Variants in GIGYF2 observed in about 807,000 individuals in gnomAD.
GIGYF2 encodes GRB10-interacting GYF protein 2.
Under a neutral mutation model 208.1 loss-of-function variants are expected in GIGYF2, and 25 were observed. That is an observed-to-expected ratio of 0.12 (90% CI 0.09 to 0.17). GIGYF2 has a LOEUF of 0.17. Among genes scored for constraint, GIGYF2 ranks in the 10% least tolerant of loss-of-function variants. The pLI, the probability that GIGYF2 is intolerant of heterozygous loss-of-function variation, is 1.00. For missense variants in GIGYF2, 1,302 were observed against 1,579.4 expected, an observed-to-expected ratio of 0.82 and a Z score of 2.98; for synonymous variants, 534 against 543.8, an observed-to-expected ratio of 0.98 and a Z score of 0.25.
intron 8 of GIGYF2, among the ~76,000 whole-genome samples, chr2:232,785,660 T>A (rs1273866688): frequency 6.6e-6 from 1 of 152,238 alleles, no homozygotes; most frequent in East Asian, 1.9e-4. Flanking sequence ...TCTTAGAGGC[T>A]GTCCACCACA....
chr2:232,809,887 CT>C (rs1367418405), intron 16 of GIGYF2, 76 bp downstream of exon 16: 4 of 876,844 alleles, frequency 4.6e-6, no homozygotes, highest in East Asian at 2.4e-5. Flanking sequence ...CAAGTCTCAC[CT>C]TTTACAGTAG....
At chr2:232,744,983 A>G (rs1371574724) in intron 3 of GIGYF2, among the ~76,000 whole-genome samples, 2 of 152,166 alleles carry the variant, frequency 1.3e-5, no homozygotes, top group African/African-American at 4.8e-5. Context: ...GAGCTAGTTC[A>G]CGTGTGAAAT....
chr2:232,747,848 C>T, intron 4 of GIGYF2, 104 bp downstream of exon 4: 1 of 1,025,144 alleles, frequency 9.8e-7, no homozygotes, highest in Non-Finnish European at 1.5e-6. Context: ...ATGTATTGAC[C>T]CATGCCTTTC....
Position 232,794,848 on chromosome 2 carries a change from T to C in GIGYF2, c.1383T>C (p.Thr461=), listed in dbSNP as rs766690588. The part of the protein sequence containing the change: ...LPPPVPNPSP[T]LRPVETPVVG... ...CTCCTGTTCCCAATCCTAGTCCTACTCTCCGGCCAGTTGAAACACCAGTTG... is the reference window on the plus strand; with the variant it reads ...CTCCTGTTCCCAATCCTAGTCCTACCCTCCGGCCAGTTGAAACACCAGTTG... The change falls in exon 13 of 29, where the codon ACT becomes ACC. Residue 461 remains threonine, a synonymous_variant. Coordinates refer to ENST00000373563, the MANE Select transcript of GIGYF2 (RefSeq NM_001103146.3). 23 of 1,613,744 alleles carry C rather than the reference T, an allele frequency of 1.4e-5. No individual in the cohort carries two copies. Among genetic ancestry groups the C allele is most frequent in the Non-Finnish European group, 1.9e-5 (22 of 1,179,772 alleles).
intron 8 of GIGYF2, among the ~76,000 whole-genome samples, chr2:232,761,890 TAACTC>T (rs973802606): frequency 3.4e-5 from 5 of 146,984 alleles, no homozygotes; most frequent in African/African-American, 1.0e-4. Flanking sequence ...AAAAAAAAAA[TAACTC>T]AGATAAATTG....
chr2:232,820,840 T>G (rs1246143105), intron 21 of GIGYF2, among the ~76,000 whole-genome samples: 1 of 152,042 alleles, frequency 6.6e-6, no homozygotes, highest in Non-Finnish European at 1.5e-5. Flanking sequence ...TTCTTTTCTT[T>G]TTTTTGGAGA....
At chr2:232,711,218 G>A (rs1696381524) in intron 2 of GIGYF2, among the ~76,000 whole-genome samples, 1 of 149,324 alleles carries the variant, frequency 6.7e-6, no homozygotes, top group South Asian at 2.1e-4. Flanking sequence ...CTCCTGAGTA[G>A]CTGGGACTCC....
At chr2:232,776,500 G>T in intron 8 of GIGYF2, 1 of 1,215,664 alleles carries the variant, frequency 8.2e-7, no homozygotes, top group Non-Finnish European at 1.1e-6. Context: ...GAAATTTACA[G>T]AGTCTGCCTT....
chr2:232,842,198 T>C (rs1701839537), intron 23 of GIGYF2, among the ~76,000 whole-genome samples: 2 of 152,098 alleles, frequency 1.3e-5, no homozygotes, highest in Admixed American at 6.6e-5. Flanking sequence ...TCTATTGGGC[T>C]TCTCCTGTTA....
At chr2:232,815,901 C>CA in intron 19 of GIGYF2, 164 bp downstream of exon 19, 1 of 596,806 alleles carries the variant, frequency 1.7e-6, no homozygotes, top group Non-Finnish European at 3.0e-6. Flanking sequence ...GCTCTCTTCT[C>CA]CCAAAAAAAA....
At chr2:232,764,266 C>A (rs975195882) in intron 8 of GIGYF2, among the ~76,000 whole-genome samples, 1 of 152,180 alleles carries the variant, frequency 6.6e-6, no homozygotes, top group African/African-American at 2.4e-5. Context: ...GGATACAACC[C>A]TCTCAGTGAC....
At chr2:232,725,662 C>T (rs1697164664) in intron 2 of GIGYF2, among the ~76,000 whole-genome samples, 1 of 152,190 alleles carries the variant, frequency 6.6e-6, no homozygotes, top group Non-Finnish European at 1.5e-5. Context: ...TTAGGATAAT[C>T]TTCCCAGTAT....
chr2:232,764,349 A>G (rs1246968700), intron 8 of GIGYF2: 1 of 152,278 alleles, frequency 6.6e-6, no homozygotes, highest in African/African-American at 2.4e-5. Context: ...AAGTGTCCTC[A>G]GTGAGTCAGG....
chr2:232,810,951 T>C, intron 16 of GIGYF2: 1 of 305,370 alleles, frequency 3.3e-6, no homozygotes, highest in East Asian at 7.5e-5. Flanking sequence ...TTTTTGACAT[T>C]CGTGATTTTA....
At chr2:232,841,405 C>T (rs1053144809) in intron 23 of GIGYF2, among the ~76,000 whole-genome samples, 1 of 151,880 alleles carries the variant, frequency 6.6e-6, no homozygotes, top group Non-Finnish European at 1.5e-5. Flanking sequence ...AAGTGATTCT[C>T]CTGCCTCAGC....
At chr2:232,839,263 C>G (rs1233407588) in intron 22 of GIGYF2, among the ~76,000 whole-genome samples, 1 of 152,064 alleles carries the variant, frequency 6.6e-6, no homozygotes, top group Non-Finnish European at 1.5e-5. Flanking sequence ...AGTCAATAAT[C>G]TTAAGGGATG....
chr2:232,708,239 C>T (rs1049372707), intron 2 of GIGYF2, among the ~76,000 whole-genome samples: 1 of 152,136 alleles, frequency 6.6e-6, no homozygotes, highest in South Asian at 2.1e-4. Flanking sequence ...GGATTACAGG[C>T]GTGAGCCTCC....
At chr2:232,712,213 A>G (rs1394225057) in intron 2 of GIGYF2, among the ~76,000 whole-genome samples, 1 of 152,160 alleles carries the variant, frequency 6.6e-6, no homozygotes, top group Admixed American at 6.5e-5. Context: ...GGACACCCAT[A>G]TTGTGTGCAG....
In GIGYF2 at chr2:232,847,534, A is replaced by T; in HGVS notation, c.3647A>T (p.Gln1216Leu). Residue 1216 changes from glutamine to leucine, a missense_variant, in exon 27 of 29, where the codon CAG (glutamine) becomes CTG (leucine). Gln to Leu is a moderately radical substitution (Grantham distance 113). Around this residue, in one of 8 missense-constraint regions of GIGYF2, gnomAD observed 701 missense variants for 793.0 expected, o/e 0.88. Coordinates refer to ENST00000373563, the MANE Select transcript of GIGYF2 (RefSeq NM_001103146.3). ...CAGCTGCCACAGCAGCAGCAGCAGC[A>T]GCCGCCACAGCAGCCGCCACAGCAG... is the stretch of plus-strand genomic sequence containing the variant. Reference protein sequence around the residue: ...QQQLPQQQQQQPPQQPPQQPQ... With the variant: ...QQQLPQQQQQLPPQQPPQQPQ... 1 of 1,598,948 alleles carries T rather than the reference A, an allele frequency of 6.3e-7. No individual in the cohort carries two copies. The highest frequency in any genetic ancestry group is 8.5e-7 in the Non-Finnish European group (1 of 1,173,152).
Sources: gnomAD v4.1 joint callset for allele counts (sites outside exome capture counted in the v4.1 genomes callset) on GRCh38, gnomAD v4.1.1 for gene constraint, gnomAD v4.1.1 regional missense constraint, MANE v1.5 for transcripts, NCBI Gene and HGNC (gene_info 2026-07-23, HGNC 2026-07-21) for gene names.